The following DNAH6 variants were observed in gnomAD, a reference collection of about 807,000 sequenced individuals.
DNAH6 encodes the protein axonemal beta dynein heavy chain 6.
DNAH6 carries 340 observed loss-of-function variants against 491.4 expected under a neutral mutation model. The ratio of observed to expected loss-of-function variants is 0.69; its 90% CI spans 0.63 to 0.76. The LOEUF (loss-of-function observed/expected upper bound fraction) is 0.76. Among genes scored for constraint, DNAH6 ranks in the 30% least tolerant of loss-of-function variants. DNAH6 has a pLI of 0.00. For synonymous variants in DNAH6, 1,603 were observed against 1,686.1 expected (o/e 0.95, Z 1.21); for missense variants, 4,443 against 4,972.2 (o/e 0.89, Z 3.20).
intron 5 of DNAH6, among the ~76,000 whole-genome samples, chr2:84,546,580 G>A (rs1678818063): frequency 6.6e-6 from 1 of 152,138 alleles, no homozygotes; most frequent in Admixed American, 6.5e-5. Flanking sequence ...CTTCTATGTT[G>A]TAGCATAGCA....
At chr2:84,674,386 T>C (rs1330388684) in intron 40 of DNAH6, among the ~76,000 whole-genome samples, 1 of 152,202 alleles carries the variant, frequency 6.6e-6, no homozygotes, top group Non-Finnish European at 1.5e-5. Context: ...TAGAGCACTT[T>C]CTGTCTATCA....
chr2:84,606,680 T>C (rs764846765), intron 20 of DNAH6, among the ~76,000 whole-genome samples: 16 of 152,272 alleles, frequency 1.1e-4, no homozygotes, highest in Middle Eastern at 3.4e-3. Context: ...AGTTACCTAA[T>C]AGTGAAGGGA....
rs112625216 is a variant in DNAH6, at chr2:84,772,915, A to T, written c.10704-8578A>T. On this transcript the variant is annotated intron_variant, in intron 64 of 76. Transcript: ENST00000389394. ...GTCAGGCCACAAAACAAGTCTCAATAAACTTAAAAAGATTGAGCCATAAAA... is the reference window on the plus strand; with the variant it reads ...GTCAGGCCACAAAACAAGTCTCAATTAACTTAAAAAGATTGAGCCATAAAA... 1.2e-3 allele frequency among the ~76,000 whole-genome samples: 184 copies of T among 152,234 alleles called. 1 individual carries two copies. The highest frequency in any genetic ancestry group is 4.2e-3 in the African/African-American group (174 of 41,580).
chr2:84,810,895 CTCTT>C (rs770171036), intron 72 of DNAH6, among the ~76,000 whole-genome samples: 15 of 152,280 alleles, frequency 9.9e-5, no homozygotes, highest in Non-Finnish European at 2.1e-4. Context: ...GCAACATGAC[CTCTT>C]TCTATTTTAA....
At chr2:84,591,521 T>C (rs972831906) in intron 16 of DNAH6, among the ~76,000 whole-genome samples, 1 of 152,162 alleles carries the variant, frequency 6.6e-6, no homozygotes, top group African/African-American at 2.4e-5. Flanking sequence ...ATTGTTAAAA[T>C]ACCTGTACTA....
At chr2:84,514,478 G>A (rs1367042270), upstream of DNAH6, among the ~76,000 whole-genome samples, 1 of 152,104 alleles carries the variant, frequency 6.6e-6, no homozygotes, top group Non-Finnish European at 1.5e-5. Context: ...TTAACCTAAT[G>A]CTAAAAAAAT....
rs565445532 is a variant in DNAH6, at chr2:84,578,035, C to T, written c.2076+627C>T. Among the ~76,000 whole-genome samples the T allele has an allele frequency of 6.5e-4, 99 of 152,292 alleles. 1 individual carries two copies. The highest frequency in any genetic ancestry group is 2.2e-3 in the African/African-American group (91 of 41,550). ...ACAATGGTTTACATATCATCTATGG[C>T]TGCTTTCTTCCTACAAGGACAAAGT... is the stretch of plus-strand genomic sequence containing the variant. On this transcript the variant is annotated intron_variant, in intron 13 of 76. Transcript: ENST00000389394.
At chr2:84,504,745 C>A in the DNAH6 span, among the ~76,000 whole-genome samples, 1 of 152,296 alleles carries the variant, frequency 6.6e-6, no homozygotes, top group East Asian at 1.9e-4. Context: ...CATTACCACA[C>A]TGTTTTGATA....
chr2:84,705,409 G>A (rs1696333423), intron 51 of DNAH6, 77 bp from the exon 52 acceptor site: 5 of 1,295,064 alleles, frequency 3.9e-6, no homozygotes, highest in Non-Finnish European at 4.1e-6. Flanking sequence ...ATATCATAAT[G>A]TTCTCAAAGA....
At chr2:84,701,408 C>T in intron 49 of DNAH6, 69 bp downstream of exon 49, 1 of 1,447,184 alleles carries the variant, frequency 6.9e-7, no homozygotes, top group Non-Finnish European at 9.4e-7. Flanking sequence ...TGCATGGAAA[C>T]TCTATGCACT....
At chr2:84,685,222 A>T (rs181970036) in intron 42 of DNAH6, 104 bp from the exon 43 acceptor site, 26 of 800,644 alleles carry the variant, frequency 3.2e-5, no homozygotes, top group Admixed American at 1.8e-4. Flanking sequence ...ATTTTTGGCA[A>T]TATGAGGGTA....
rs750447549 is a variant in DNAH6 at position 84,658,486 on chromosome 2, T to G, written c.5940+12T>G. 20 of 1,439,020 alleles carry G rather than the reference T, an allele frequency of 1.4e-5. No homozygotes were observed. Among genetic ancestry groups the G allele is most frequent in the Non-Finnish European group, 1.8e-5 (20 of 1,088,126 alleles). 89.1% of individuals were successfully genotyped at this position (1,439,020 alleles called of 1,614,324 possible). ...TTAACTTGGCAATGGTATGAAGAGT[T>G]TTCTTATTGCTATGAAGCTAGAAAA... On this transcript the variant is annotated intron_variant, in intron 36 of 76. Transcript: ENST00000389394.
chr2:84,551,444 C>T lies in DNAH6; in HGVS notation c.1485+1387C>T, dbSNP rs376363472. 3.4e-4 allele frequency among the ~76,000 whole-genome samples: 52 copies of T among 152,208 alleles called. 1 individual carries two copies. Among genetic ancestry groups the T allele is most frequent in the African/African-American group, 1.2e-3 (51 of 41,544 alleles). On this transcript the variant is annotated intron_variant, in intron 9 of 76. Transcript: ENST00000389394. The stretch of plus-strand genomic sequence containing the variant: ...CTTACTGCTTTATCCCTTGCTTTTT[C>T]CTCTTAGCAATACAGTATTATGAAA...
At chr2:84,556,746 A>G (rs1044371518) in intron 10 of DNAH6, among the ~76,000 whole-genome samples, 3 of 152,344 alleles carry the variant, frequency 2.0e-5, no homozygotes, top group East Asian at 1.9e-4. Flanking sequence ...CCATGAGGTT[A>G]TGTACAGAGA....
chr2:84,766,839 G>GTA (rs1174196682), intron 64 of DNAH6, among the ~76,000 whole-genome samples: 1 of 152,092 alleles, frequency 6.6e-6, no homozygotes, highest in Non-Finnish European at 1.5e-5. Context: ...AGAACCCAAA[G>GTA]CCCACTAAGT....
In DNAH6 at chr2:84,703,457, A is replaced by G; in HGVS notation, c.8124A>G (p.Lys2708=). ...TAGAAACAAACATACTAGTAGATAAAATGAAACTAGATCTTTCAGCTTTAG... is the reference window on the plus strand; with the variant it reads ...TAGAAACAAACATACTAGTAGATAAGATGAAACTAGATCTTTCAGCTTTAG... ...KLLETNILVD[K]MKLDLSALEP... Residue 2708 remains lysine, a synonymous_variant, in exon 50 of 77, where the codon AAA becomes AAG. Transcript: ENST00000389394. The G allele has an allele frequency of 1.9e-6, 3 of 1,549,944 alleles. No homozygotes were observed. The highest frequency in any genetic ancestry group is 1.7e-4 in the Middle Eastern group (1 of 5,976).
chr2:84,692,475 AG>A (rs1694964374), intron 45 of DNAH6, among the ~76,000 whole-genome samples: 2 of 132,524 alleles, frequency 1.5e-5, no homozygotes, highest in Admixed American at 7.6e-5. Context: ...ATAGATAGAT[AG>A]ATAGATAAAT....
At chr2:84,779,407 C>G (rs1573786166) in intron 64 of DNAH6, among the ~76,000 whole-genome samples, 1 of 152,172 alleles carries the variant, frequency 6.6e-6, no homozygotes, top group East Asian at 1.9e-4. Flanking sequence ...CCTACTTTGT[C>G]CTTTGTTACT....
In DNAH6 at chr2:84,715,630, A is replaced by T; in HGVS notation, c.9611+3A>T. The T allele has an allele frequency of 6.4e-7, 1 of 1,550,954 alleles. No homozygotes were observed. Among genetic ancestry groups the T allele is most frequent in the Non-Finnish European group, 8.7e-7 (1 of 1,146,524 alleles). ...GGCCTGGAGGATCAGTTGTTAAGGT[A>T]AAAAAACAGGGAGTTGAGGGGAGGG... is the stretch of plus-strand genomic sequence containing the variant. On this transcript the variant is annotated splice_donor_region_variant and intron_variant, in intron 58 of 76. Transcript: ENST00000389394.
Sources: allele counts gnomAD v4.1 joint callset (sites outside exome capture counted in the v4.1 genomes callset), GRCh38; gene constraint gnomAD v4.1.1; transcripts MANE v1.5; gene names NCBI Gene and HGNC (gene_info 2026-07-23, HGNC 2026-07-21).